The following TPST1 variants were observed in gnomAD, a reference collection of about 807,000 sequenced individuals.
The protein encoded by TPST1 is protein-tyrosine sulfotransferase 1.
A neutral mutation model predicts 34.8 loss-of-function variants in TPST1; 20 were observed. That is an observed-to-expected ratio of 0.57 (90% CI 0.40 to 0.84). The LOEUF (loss-of-function observed/expected upper bound fraction) is 0.84, where lower values mean the gene tolerates loss of function less well. Among genes scored for constraint, TPST1 ranks in the 40% least tolerant of loss-of-function variants. The pLI, the probability that TPST1 is intolerant of heterozygous loss-of-function variation, is 0.00. For missense variants in TPST1, 353 were observed against 455.5 expected (o/e 0.78, Z 2.05); for synonymous variants, 152 against 159.4 (o/e 0.95, Z 0.35).
At chr7:66,278,335 A>G (rs928570413) in intron 2 of TPST1, among the ~76,000 whole-genome samples, 3 of 152,050 alleles carry the variant, frequency 2.0e-5, no homozygotes, top group African/African-American at 7.2e-5. Context: ...TTTAACTGAG[A>G]TTAGAAGGCT....
At chr7:66,282,622 A>G (rs373638640) in intron 2 of TPST1, among the ~76,000 whole-genome samples, 37 of 152,118 alleles carry the variant, frequency 2.4e-4, no homozygotes, top group African/African-American at 8.9e-4. Context: ...TCTCTCCACT[A>G]CACTTTGCTG....
upstream of TPST1, among the ~76,000 whole-genome samples, chr7:66,204,354 G>A (rs1168921761): frequency 6.6e-6 from 1 of 152,146 alleles, no homozygotes; most frequent in Non-Finnish European, 1.5e-5. Context: ...TAGCTGGGAC[G>A]ACAGGCGTCC....
At chr7:66,310,803 G>GTATTTATTTATTTATT (rs56696715) in intron 3 of TPST1, among the ~76,000 whole-genome samples, 13 of 147,056 alleles carry the variant, frequency 8.8e-5, no homozygotes, top group Admixed American at 1.4e-4. Context: ...AATTTGAAGA[G>GTATTTATTTATTTATT]TATTTATTTA....
chr7:66,265,629 A>C (rs976893342), intron 2 of TPST1, among the ~76,000 whole-genome samples: 2 of 152,204 alleles, frequency 1.3e-5, no homozygotes, highest in African/African-American at 2.4e-5. Flanking sequence ...ATGGAAAAGC[A>C]TGCATTTATG....
chr7:66,221,697 A>G (rs1452163315), intron 1 of TPST1: 2 of 152,216 alleles, frequency 1.3e-5, no homozygotes, highest in Non-Finnish European at 2.9e-5. Context: ...ATCTTTGGTC[A>G]CTGCTTTGTG....
At position 66,249,388 on chromosome 7, in the gene TPST1, G is replaced by T. The variant is rs535840183; in HGVS notation, c.845+8118G>T. 5.3e-5 allele frequency among the ~76,000 whole-genome samples: 8 copies of T among 152,198 alleles called. No homozygotes were observed. The East Asian group carries it at 1.4e-3, about 26-fold the overall frequency. On this transcript the variant is annotated intron_variant, in intron 2 of 5. Transcript: ENST00000304842. ...TGGTACCCATCCAGATATTATACAT[G>T]AATTCATGGTTCCTCCTTGGTCCTT...
chr7:66,208,931 C>G (rs1789187919), intron 1 of TPST1, among the ~76,000 whole-genome samples: 3 of 152,046 alleles, frequency 2.0e-5, no homozygotes, highest in Admixed American at 2.0e-4. Context: ...AGAGCTGAAT[C>G]TAGACAAGGA....
chr7:66,253,558 A>G (rs1341166710), intron 2 of TPST1, among the ~76,000 whole-genome samples: 2 of 151,324 alleles, frequency 1.3e-5, no homozygotes, highest in African/African-American at 4.8e-5. Context: ...TTTTTAGTAG[A>G]GACGGGATTT....
intron 3 of TPST1, among the ~76,000 whole-genome samples, chr7:66,331,961 G>A (rs569849209): frequency 1.3e-5 from 2 of 152,126 alleles, no homozygotes; most frequent in African/African-American, 4.8e-5. Flanking sequence ...CACTGTCTCC[G>A]ATCACCCCCA....
intron 2 of TPST1, among the ~76,000 whole-genome samples, chr7:66,248,398 A>G (rs1426895756): frequency 2.0e-5 from 3 of 152,106 alleles, no homozygotes; most frequent in African/African-American, 7.2e-5. Flanking sequence ...GAATTGCAAA[A>G]CTACAATTTT....
In TPST1 at chr7:66,311,198, A is replaced by C. The variant is rs116463815; in HGVS notation, c.1044+24489A>C. On this transcript the variant is annotated intron_variant, in intron 3 of 5. Transcript: ENST00000304842. Reference sequence around the variant, plus strand: ...GTTGCCCAGGCTGGAGTGCAGTGGCATGATGATAGCTCACTGTAGCCTTAA... The same window carrying C: ...GTTGCCCAGGCTGGAGTGCAGTGGCCTGATGATAGCTCACTGTAGCCTTAA... Among the ~76,000 whole-genome samples the C allele has an allele frequency of 7.5e-3, 1,144 of 151,954 alleles. 16 individuals carry two copies. Among genetic ancestry groups the C allele is most frequent in the African/African-American group, 0.026 (1,074 of 41,452 alleles).
intron 2 of TPST1, among the ~76,000 whole-genome samples, chr7:66,244,394 A>G (rs1465381654): frequency 1.3e-5 from 2 of 152,116 alleles, no homozygotes; most frequent in Non-Finnish European, 2.9e-5. Context: ...GAAAATAGAG[A>G]TATCAGGAGA....
At chr7:66,304,044 T>G (rs1791372311) in intron 3 of TPST1, among the ~76,000 whole-genome samples, 1 of 152,154 alleles carries the variant, frequency 6.6e-6, no homozygotes. Flanking sequence ...AGGGAAACAT[T>G]GAGCCACTGT....
rs114117490 is a variant in TPST1, at chr7:66,309,859, G to A, written c.1044+23150G>A. The stretch of plus-strand genomic sequence containing the variant: ...TTTTTTTTTAACAGGGAAAAAAAGA[G>A]CTTACAAATTTTATGTGCACATGTG... On this transcript the variant is annotated intron_variant, in intron 3 of 5. Transcript: ENST00000304842. Among the ~76,000 whole-genome samples, 1,194 of 152,002 alleles carry A rather than the reference G, an allele frequency of 7.9e-3. 15 individuals are homozygous for A. The highest frequency in any genetic ancestry group is 0.026 in the African/African-American group (1,090 of 41,430).
the TPST1 span, among the ~76,000 whole-genome samples, chr7:66,199,560 C>T: frequency 6.6e-6 from 1 of 151,942 alleles, no homozygotes; most frequent in Non-Finnish European, 1.5e-5. Flanking sequence ...TCTTGAAATT[C>T]TGGGATTACA....
intron 3 of TPST1, among the ~76,000 whole-genome samples, chr7:66,345,714 T>C (rs939169785): frequency 1.3e-5 from 2 of 152,026 alleles, no homozygotes; most frequent in African/African-American, 2.4e-5. Flanking sequence ...CTGGTAGGTG[T>C]ATATATTTAT....
intron 2 of TPST1, among the ~76,000 whole-genome samples, chr7:66,248,467 T>C (rs987464072): frequency 6.6e-6 from 1 of 151,822 alleles, no homozygotes; most frequent in African/African-American, 2.4e-5. Flanking sequence ...GATACACTTT[T>C]AATTGGGATT....
chr7:66,272,094 T>G (rs1474166548), intron 2 of TPST1, among the ~76,000 whole-genome samples: 1 of 152,202 alleles, frequency 6.6e-6, no homozygotes, highest in Non-Finnish European at 1.5e-5. Context: ...CTTGGCTTAT[T>G]TTTCTTCCAT....
intron 1 of TPST1, among the ~76,000 whole-genome samples, chr7:66,214,220 A>G (rs1789338829): frequency 6.6e-6 from 1 of 151,986 alleles, no homozygotes; most frequent in Admixed American, 6.6e-5. Flanking sequence ...GGCAACCACT[A>G]ATCTATTTTC....
Sources: gnomAD v4.1 joint callset for allele counts (sites outside exome capture counted in the v4.1 genomes callset) on GRCh38, gnomAD v4.1.1 for gene constraint, MANE v1.5 for transcripts, NCBI Gene and HGNC (gene_info 2026-07-23, HGNC 2026-07-21) for gene names.